Variants in NHSL1 observed in about 807,000 individuals in gnomAD.
NHSL1 encodes NHS like 1.
A neutral mutation model predicts 95.0 loss-of-function variants in NHSL1; 48 were observed. The ratio of observed to expected loss-of-function variants is 0.51; its 90% CI spans 0.40 to 0.64. NHSL1 has a LOEUF of 0.64. Among genes scored for constraint, NHSL1 ranks in the 30% least tolerant of loss-of-function variants. NHSL1 has a pLI of 0.00. For missense variants in NHSL1, 1,971 were observed against 2,077.7 expected, an observed-to-expected ratio of 0.95 and a Z score of 1.00; for synonymous variants, 783 against 833.9, an observed-to-expected ratio of 0.94 and a Z score of 1.05.
Position 138,433,405 on chromosome 6 carries a change from A to C in NHSL1, c.940T>G (p.Ser314Ala). 1 of 1,552,308 alleles carries C rather than the reference A, an allele frequency of 6.4e-7. No individual in the cohort carries two copies. The highest frequency in any genetic ancestry group is 8.7e-7 in the Non-Finnish European group (1 of 1,147,130). ...AAGCCAGCATCACTGTCAAGGCGGG[A>C]AGGGAATACGATCCCTGCAGAATCG... ...LSDSAGIVFP[S>A]RLDSDAGFHS... is the part of the protein sequence containing the mutation. The change falls in exon 6 of 8, where the codon TCC becomes GCC. Residue 314 changes from serine (S) to alanine (A), a missense_variant. Physicochemically the swap from Ser to Ala is moderately conservative, Grantham distance 99 (BLOSUM62 1). Coordinates refer to ENST00000343505, the MANE Select transcript of NHSL1 (RefSeq NM_001144060.2).
intron 1 of NHSL1, among the ~76,000 whole-genome samples, chr6:138,558,796 A>G (rs1783300553): frequency 6.6e-6 from 1 of 152,162 alleles, no homozygotes; most frequent in African/African-American, 2.4e-5. Context: ...TATTCCCAGC[A>G]CTTTGGGAGG....
chr6:138,662,796 A>G (rs1785243034), intron 1 of NHSL1, among the ~76,000 whole-genome samples: 1 of 152,182 alleles, frequency 6.6e-6, no homozygotes, highest in African/African-American at 2.4e-5. Context: ...TTAGGGGAAA[A>G]AAAACCTGTC....
chr6:138,438,659 T>C (rs1271326244), intron 5 of NHSL1, among the ~76,000 whole-genome samples: 1 of 152,192 alleles, frequency 6.6e-6, no homozygotes, highest in Non-Finnish European at 1.5e-5. Flanking sequence ...CTTTTTCTTT[T>C]ATTAATAATA....
At chr6:138,671,615 T>C (rs958995175) in intron 1 of NHSL1, among the ~76,000 whole-genome samples, 2 of 152,158 alleles carry the variant, frequency 1.3e-5, no homozygotes, top group Admixed American at 6.5e-5. Flanking sequence ...AACACTCATC[T>C]AGATTAGATT....
rs577227640 is a variant in NHSL1, at chr6:138,591,754, C to T, written c.97-95383G>A. Among the ~76,000 whole-genome samples, 122 of 152,238 alleles carry T rather than the reference C, an allele frequency of 8.0e-4. 1 individual carries two copies. Among genetic ancestry groups the T allele is most frequent in the Non-Finnish European group, 1.2e-3 (84 of 68,014 alleles). On this transcript the variant is annotated intron_variant, in intron 1 of 3. Coordinates refer to the NHSL1 transcript ENST00000491526. ...GCTAATTCATAAGTTTTCAATTGAG[C>T]GCGGTTCTAAGTCGCGTGATGAAAT...
chr6:138,599,564 A>T (rs1199496267), intron 1 of NHSL1, among the ~76,000 whole-genome samples: 1 of 152,176 alleles, frequency 6.6e-6, no homozygotes, highest in African/African-American at 2.4e-5. Flanking sequence ...TCCTTATATA[A>T]CATATGCAGA....
chr6:138,549,184 G>C (rs185276243), upstream of NHSL1, among the ~76,000 whole-genome samples: 2 of 152,264 alleles, frequency 1.3e-5, no homozygotes, highest in East Asian at 3.9e-4. Context: ...AGGAGTTCGA[G>C]ACCAGCCTAA....
chr6:138,575,997 A>G (rs1783965131), upstream of NHSL1, among the ~76,000 whole-genome samples: 1 of 148,914 alleles, frequency 6.7e-6, no homozygotes, highest in Admixed American at 6.8e-5. Flanking sequence ...TTATTTATTT[A>G]TTTATTTATT....
At chr6:138,654,725 CA>C (rs1198851557) in intron 1 of NHSL1, among the ~76,000 whole-genome samples, 2 of 151,900 alleles carry the variant, frequency 1.3e-5, no homozygotes, top group Admixed American at 6.6e-5. Flanking sequence ...AGGGTGGTAC[CA>C]GCCTTGACTG....
chr6:138,477,051 T>G (rs1035384348), intron 2 of NHSL1, among the ~76,000 whole-genome samples: 15 of 151,890 alleles, frequency 9.9e-5, no homozygotes, highest in Admixed American at 3.9e-4. Flanking sequence ...TAACTTATGC[T>G]GCTAAATTAA....
intron 1 of NHSL1, among the ~76,000 whole-genome samples, chr6:138,534,341 TACATGACGA>T (rs1366721211): frequency 6.6e-6 from 1 of 152,110 alleles, no homozygotes; most frequent in Non-Finnish European, 1.5e-5. Context: ...GGACCCTTGG[TACATGACGA>T]CCCCACAAAA....
chr6:138,462,234 G>A (rs1269528790), intron 3 of NHSL1, among the ~76,000 whole-genome samples: 1 of 152,204 alleles, frequency 6.6e-6, no homozygotes, highest in East Asian at 1.9e-4. Context: ...AAGTTCAAGG[G>A]CATGGCCCTG....
chr6:138,674,062 G>T (rs1785415772), intron 1 of NHSL1, among the ~76,000 whole-genome samples: 1 of 152,040 alleles, frequency 6.6e-6, no homozygotes, highest in South Asian at 2.1e-4. Flanking sequence ...ATAAACTAAG[G>T]TATGGTATTC....
intron 1 of NHSL1, among the ~76,000 whole-genome samples, chr6:138,590,137 A>G (rs1464583111): frequency 6.6e-6 from 1 of 152,116 alleles, no homozygotes; most frequent in Non-Finnish European, 1.5e-5. Context: ...AGCTGTGACT[A>G]CAGGTGCCCA....
intron 1 of NHSL1, among the ~76,000 whole-genome samples, chr6:138,528,689 T>C (rs1246460471): frequency 1.3e-5 from 2 of 152,218 alleles, no homozygotes; most frequent in South Asian, 2.1e-4. Context: ...GTCAACTGTT[T>C]AAATATTTAA....
In NHSL1 at chr6:138,674,659, T is replaced by G. The variant is rs146518389; in HGVS notation, c.96+17817A>C. On this transcript the variant is annotated intron_variant, in intron 1 of 3. Coordinates refer to the NHSL1 transcript ENST00000491526. The stretch of plus-strand genomic sequence containing the variant: ...GCAAAGAACATGATCTTGTTCCTTT[T>G]TATGGCTGCATAGTATTCCATGGTG... 1.8e-3 allele frequency among the ~76,000 whole-genome samples: 269 copies of G among 152,346 alleles called. 1 individual carries two copies. Among genetic ancestry groups the G allele is most frequent in the African/African-American group, 6.2e-3 (256 of 41,568 alleles).
intron 4 of NHSL1, 91 bp from the exon 5 acceptor site, chr6:138,442,205 T>A: frequency 6.3e-6 from 8 of 1,279,788 alleles, no homozygotes; most frequent in Non-Finnish European, 8.3e-6. Context: ...TGTAAAATGA[T>A]AAGAAGGTAT....
intron 2 of NHSL1, among the ~76,000 whole-genome samples, chr6:138,482,366 A>G (rs577802042): frequency 1.3e-5 from 2 of 150,984 alleles, no homozygotes; most frequent in Non-Finnish European, 2.9e-5. Context: ...GAATTGCTTG[A>G]ACCCGGGAGG....
chr6:138,545,212 TAAA>T, intron 1 of NHSL1, among the ~76,000 whole-genome samples: 1 of 152,110 alleles, frequency 6.6e-6, no homozygotes, highest in Non-Finnish European at 1.5e-5. Context: ...GAGTAAAGCT[TAAA>T]GCAATAGAAT....
Sources: allele counts gnomAD v4.1 joint callset (sites outside exome capture counted in the v4.1 genomes callset), GRCh38; gene constraint gnomAD v4.1.1; transcripts MANE v1.5; gene names NCBI Gene and HGNC (gene_info 2026-07-23, HGNC 2026-07-21).